Variants in CNKSR2 observed in about 807,000 individuals in gnomAD.
CNKSR2 encodes connector enhancer of kinase suppressor of Ras 2.
CNKSR2 carries 14 observed loss-of-function variants against 84.4 expected under a neutral mutation model. The ratio of observed to expected loss-of-function variants is 0.17; its 90% CI spans 0.11 to 0.26. CNKSR2 has a LOEUF of 0.26. CNKSR2 is among the 10% of genes least tolerant of loss of function. CNKSR2 has a pLI of 1.00. For synonymous variants in CNKSR2, 275 were observed against 277.9 expected (o/e 0.99, Z 0.10); for missense variants, 485 against 771.2 (o/e 0.63, Z 4.40).
At position 21,644,029 on chromosome X, in the gene CNKSR2, C is replaced by A. The variant is rs777590995; in HGVS notation, c.2693-4802C>A. The A allele has an allele frequency of 1.1e-4, 12 of 111,864 alleles. No individual in the cohort carries two copies. In the East Asian group the frequency reaches 3.3e-3, roughly 31 times the overall value. 9.2% of individuals were successfully genotyped at this position (111,864 alleles called of 1,213,427 possible). On this transcript the variant is annotated intron_variant, in intron 20 of 21. Coordinates refer to ENST00000379510, the MANE Select transcript of CNKSR2 (RefSeq NM_014927.5). ...TAAATAAATTATTCATTATGGCTTGCTAGTAAATTCATATTCATGGAAAAT... is the reference window on the plus strand; with the variant it reads ...TAAATAAATTATTCATTATGGCTTGATAGTAAATTCATATTCATGGAAAAT...
chrX:21,562,975 C>T (rs1271756690), intron 12 of CNKSR2, among the ~76,000 whole-genome samples: 1 of 111,309 alleles, frequency 9.0e-6, no homozygotes, highest in African/African-American at 3.3e-5. Context: ...AATAATCTAT[C>T]GACTGTCTAT....
At chrX:21,619,831 C>T (rs1311428849) in intron 20 of CNKSR2, among the ~76,000 whole-genome samples, 2 of 110,352 alleles carry the variant, frequency 1.8e-5, no homozygotes, top group Admixed American at 9.7e-5. Context: ...GCAATGCCAA[C>T]ACACATGGGT....
chrX:21,567,943 A>C (rs933616001), intron 13 of CNKSR2, among the ~76,000 whole-genome samples: 3 of 111,583 alleles, frequency 2.7e-5, no homozygotes, highest in African/African-American at 9.8e-5. Flanking sequence ...TATGATGTGC[A>C]TATGACAACT....
intron 4 of CNKSR2, among the ~76,000 whole-genome samples, chrX:21,452,344 G>A (rs944840384): frequency 1.8e-5 from 2 of 111,347 alleles, no homozygotes; most frequent in Admixed American, 1.9e-4. Flanking sequence ...TGCCTGCGTA[G>A]GCCTCCCAAA....
At chrX:21,396,725 G>A (rs2090126812) in intron 1 of CNKSR2, among the ~76,000 whole-genome samples, 1 of 111,680 alleles carries the variant, frequency 9.0e-6, no homozygotes, top group Non-Finnish European at 1.9e-5. Context: ...AAATCTCTTG[G>A]CCCTATGCCC....
intron 13 of CNKSR2, among the ~76,000 whole-genome samples, chrX:21,568,951 G>A (rs1037033482): frequency 9.0e-6 from 1 of 111,628 alleles, no homozygotes; most frequent in Admixed American, 9.5e-5. Flanking sequence ...CAGTCTAAGT[G>A]CAGTGGTATA....
intron 1 of CNKSR2, among the ~76,000 whole-genome samples, chrX:21,407,662 T>A (rs745828296): frequency 9.0e-6 from 1 of 111,476 alleles, no homozygotes; most frequent in South Asian, 3.7e-4. Context: ...CAGTTTTGAA[T>A]AGAAATGCAA....
chrX:21,459,588 A>G (rs953900387), intron 4 of CNKSR2, among the ~76,000 whole-genome samples: 1 of 110,466 alleles, frequency 9.1e-6, no homozygotes, highest in Non-Finnish European at 1.9e-5. Context: ...GACAAGAATC[A>G]TGTTATATAG....
At chrX:21,390,375 C>G (rs768967110) in intron 1 of CNKSR2, among the ~76,000 whole-genome samples, 1 of 111,033 alleles carries the variant, frequency 9.0e-6, no homozygotes, top group South Asian at 3.9e-4. Flanking sequence ...TTAATTGGCT[C>G]ACAGTTCCAC....
intron 1 of CNKSR2, among the ~76,000 whole-genome samples, chrX:21,412,728 G>C (rs1320961777): frequency 8.9e-6 from 1 of 111,751 alleles, no homozygotes; most frequent in Non-Finnish European, 1.9e-5. Context: ...ACTTACAGCT[G>C]TGGCTTTCAC....
chrX:21,564,066 C>T (rs922427336), intron 13 of CNKSR2, among the ~76,000 whole-genome samples: 3 of 110,889 alleles, frequency 2.7e-5, no homozygotes, highest in African/African-American at 6.6e-5. Context: ...TATTTTAGTG[C>T]GAAGGCATAT....
At chrX:21,589,097 T>A (rs758189498) in intron 13 of CNKSR2, among the ~76,000 whole-genome samples, 82 of 112,650 alleles carry the variant, frequency 7.3e-4, no homozygotes, top group African/African-American at 2.3e-3. Flanking sequence ...TAACCATGCA[T>A]GCTGCAAAGT....
chrX:21,574,921 G>A (rs1281077591), intron 13 of CNKSR2, among the ~76,000 whole-genome samples: 2 of 111,760 alleles, frequency 1.8e-5, no homozygotes, highest in African/African-American at 6.5e-5. Context: ...ATCAATTTTA[G>A]TTTGTTTTAG....
At chrX:21,390,603 A>C (rs2090036115) in intron 1 of CNKSR2, among the ~76,000 whole-genome samples, 2 of 111,378 alleles carry the variant, frequency 1.8e-5, no homozygotes, top group Non-Finnish European at 3.8e-5. Flanking sequence ...ATCACCTCCC[A>C]CCAGGGCCCT....
At chrX:21,406,177 C>T (rs2090260657) in intron 1 of CNKSR2, among the ~76,000 whole-genome samples, 2 of 111,402 alleles carry the variant, frequency 1.8e-5, no homozygotes, top group Non-Finnish European at 1.9e-5. Flanking sequence ...GGAATGCACA[C>T]TGTGTTGTGC....
At chrX:21,464,152 A>G (rs995994220) in intron 4 of CNKSR2, among the ~76,000 whole-genome samples, 1 of 112,158 alleles carries the variant, frequency 8.9e-6, no homozygotes, top group African/African-American at 3.2e-5. Context: ...TTGGTGATTG[A>G]TTCCCCTCTG....
intron 11 of CNKSR2, among the ~76,000 whole-genome samples, chrX:21,544,999 T>C (rs1463389449): frequency 1.8e-5 from 2 of 111,140 alleles, no homozygotes; most frequent in African/African-American, 6.6e-5. Flanking sequence ...CAGGAGTTTT[T>C]TCCTACCCCA....
intron 1 of CNKSR2, among the ~76,000 whole-genome samples, chrX:21,389,803 G>T (rs1350869263): frequency 8.9e-6 from 1 of 112,387 alleles, no homozygotes; most frequent in African/African-American, 3.2e-5. Flanking sequence ...AGTTTTCCAC[G>T]TGTGAACATT....
intron 6 of CNKSR2, chrX:21,491,896 G>A (rs1461582517): frequency 1.8e-5 from 2 of 111,569 alleles, no homozygotes; most frequent in Non-Finnish European, 3.8e-5. Flanking sequence ...AGTCCCCTAA[G>A]CATGATTTTT....
Sources: allele counts gnomAD v4.1 joint callset (sites outside exome capture counted in the v4.1 genomes callset), GRCh38; gene constraint gnomAD v4.1.1; transcripts MANE v1.5; gene names NCBI Gene and HGNC (gene_info 2026-07-23, HGNC 2026-07-21).